The following CSMD1 variants were observed in gnomAD, a reference collection of about 807,000 sequenced individuals.
CSMD1 encodes CUB and sushi domain-containing protein 1.
In CSMD1, 213 loss-of-function variants were observed where a neutral mutation model predicts 417.5. The observed-to-expected ratio is 0.51, with a 90% CI of 0.46 to 0.57. The LOEUF (loss-of-function observed/expected upper bound fraction) is 0.57. Among genes scored for constraint, CSMD1 ranks in the 20% least tolerant of loss-of-function variants. The probability of loss-of-function intolerance (pLI) is 0.00; values close to 1 mark genes in which losing one functional copy is unlikely to be tolerated. For missense variants in CSMD1, 6,923 were observed against 4,529.7 expected, an observed-to-expected ratio of 1.53 and a Z score of -15.17; for synonymous variants, 2,862 against 1,736.8, an observed-to-expected ratio of 1.65 and a Z score of -16.11.
chr8:3,196,308 T>C (rs1399340160), intron 33 of CSMD1, among the ~76,000 whole-genome samples: 2 of 152,170 alleles, frequency 1.3e-5, no homozygotes, highest in Admixed American at 6.5e-5. Flanking sequence ...AACTCACTAA[T>C]AATCCATCCC....
At chr8:3,227,615 G>A (rs1393739933) in intron 27 of CSMD1, among the ~76,000 whole-genome samples, 2 of 152,190 alleles carry the variant, frequency 1.3e-5, no homozygotes, top group African/African-American at 2.4e-5. Context: ...CTAGAGAGTG[G>A]CATCAGTGGT....
At chr8:3,083,805 G>A (rs774505849) in intron 49 of CSMD1, among the ~76,000 whole-genome samples, 2 of 150,670 alleles carry the variant, frequency 1.3e-5, no homozygotes, top group Non-Finnish European at 3.0e-5. Flanking sequence ...GACTACAGGT[G>A]CACACCACCA....
At chr8:3,791,892 T>C (rs766080874) in intron 5 of CSMD1, among the ~76,000 whole-genome samples, 3 of 151,982 alleles carry the variant, frequency 2.0e-5, no homozygotes, top group Non-Finnish European at 4.4e-5. Context: ...GTAATTGCAG[T>C]TTTTGGCATT....
intron 22 of CSMD1, 64 bp downstream of exon 22, chr8:3,347,928 G>A (rs1808120523): frequency 8.8e-7 from 1 of 1,138,424 alleles, no homozygotes; most frequent in Non-Finnish European, 1.2e-6. Context: ...TAGAAAAATA[G>A]ATAGACAATG....
At chr8:4,096,552 G>A (rs930065958) in intron 3 of CSMD1, among the ~76,000 whole-genome samples, 1 of 149,712 alleles carries the variant, frequency 6.7e-6, no homozygotes, top group South Asian at 2.1e-4. Context: ...CTTTCTTAAC[G>A]ATTGATAATG....
intron 2 of CSMD1, among the ~76,000 whole-genome samples, chr8:4,477,013 G>A (rs531709663): frequency 3.9e-5 from 6 of 152,314 alleles, no homozygotes; most frequent in East Asian, 1.9e-4. Flanking sequence ...AGGTGGCTGT[G>A]GTTACAGGGA....
At chr8:3,077,170 C>A (rs76220557) in intron 49 of CSMD1, among the ~76,000 whole-genome samples, 1 of 152,140 alleles carries the variant, frequency 6.6e-6, no homozygotes, top group African/African-American at 2.4e-5. Flanking sequence ...TCGTGCAGGG[C>A]TGGGAGTCAG....
At chr8:3,784,260 G>A (rs1213414563) in intron 5 of CSMD1, among the ~76,000 whole-genome samples, 5 of 152,044 alleles carry the variant, frequency 3.3e-5, no homozygotes, top group African/African-American at 7.2e-5. Context: ...TCCAACACAG[G>A]ACCTTGCTAG....
intron 26 of CSMD1, among the ~76,000 whole-genome samples, chr8:3,269,062 A>C (rs1377039600): frequency 1.3e-5 from 2 of 152,220 alleles, no homozygotes; most frequent in Non-Finnish European, 2.9e-5. Flanking sequence ...TGTTAGAGAA[A>C]ATGAATCAGA....
At chr8:4,101,898 T>C (rs965447960) in intron 3 of CSMD1, among the ~76,000 whole-genome samples, 1 of 152,148 alleles carries the variant, frequency 6.6e-6, no homozygotes, top group Non-Finnish European at 1.5e-5. Context: ...CTACTATCTC[T>C]CCTAATAATG....
At chr8:4,321,017 C>A (rs13264536) in intron 3 of CSMD1, among the ~76,000 whole-genome samples, 1 of 152,176 alleles carries the variant, frequency 6.6e-6, no homozygotes, top group African/African-American at 2.4e-5. Flanking sequence ...TTATTTATTT[C>A]CCATACACAT....
chr8:3,563,442 T>TTA (rs763525538), intron 10 of CSMD1, among the ~76,000 whole-genome samples: 21 of 62,772 alleles, frequency 3.3e-4, no homozygotes, highest in South Asian at 6.1e-4. Context: ...TATTAAAAGG[T>TTA]AAAAAAAAAA....
intron 1 of CSMD1, among the ~76,000 whole-genome samples, chr8:4,873,309 C>T (rs760775108): frequency 2.6e-5 from 4 of 152,028 alleles, no homozygotes; most frequent in Admixed American, 1.3e-4. Context: ...AATTCACATT[C>T]GTAGACCCAT....
chr8:3,785,192 C>T (rs1197088502), intron 5 of CSMD1, among the ~76,000 whole-genome samples: 2 of 152,158 alleles, frequency 1.3e-5, no homozygotes, highest in African/African-American at 4.8e-5. Context: ...ATGATGACTA[C>T]TGAATTAAAG....
At position 4,009,430 on chromosome 8, in the gene CSMD1, T is replaced by C. The variant is rs374198707; in HGVS notation, c.611-11320A>G. On this transcript the variant is annotated intron_variant, in intron 4 of 69. Transcript: ENST00000635120. ...AAGAAAAATTGAAATAATCTAAATA[T>C]TCAACAGCGGATACATCATTAAATA... 1.2e-4 allele frequency among the ~76,000 whole-genome samples: 19 copies of C among 152,282 alleles called. No individual in the cohort carries two copies. The East Asian group carries it at 2.1e-3, about 17-fold the overall frequency.
At chr8:4,646,179 C>A (rs1276221729) in intron 1 of CSMD1, among the ~76,000 whole-genome samples, 2 of 152,174 alleles carry the variant, frequency 1.3e-5, no homozygotes, top group Non-Finnish European at 2.9e-5. Context: ...CACCCATTGC[C>A]AGTGGAGAGA....
intron 1 of CSMD1, among the ~76,000 whole-genome samples, chr8:4,757,127 G>C (rs1159238609): frequency 1.3e-5 from 2 of 152,158 alleles, no homozygotes; most frequent in Non-Finnish European, 2.9e-5. Context: ...AGTCACATTA[G>C]TACTGAGAAT....
intron 2 of CSMD1, among the ~76,000 whole-genome samples, chr8:4,633,367 C>A (rs927304088): frequency 6.6e-6 from 1 of 151,844 alleles, no homozygotes; most frequent in East Asian, 1.9e-4. Context: ...CTGCCTCACC[C>A]TCCCTAGTAG....
chr8:4,281,481 T>G (rs892150589), intron 3 of CSMD1, among the ~76,000 whole-genome samples: 15 of 152,186 alleles, frequency 9.9e-5, no homozygotes, highest in African/African-American at 3.6e-4. Context: ...CAACCTTCTG[T>G]TTCAAATTTC....
Sources: gnomAD v4.1 joint callset for allele counts (sites outside exome capture counted in the v4.1 genomes callset) on GRCh38, gnomAD v4.1.1 for gene constraint, MANE v1.5 for transcripts, NCBI Gene and HGNC (gene_info 2026-07-23, HGNC 2026-07-21) for gene names.